TBL1X: variants seen among roughly 807,000 people sequenced by gnomAD.
The protein encoded by TBL1X is transducin beta like 1 X-linked.
TBL1X carries 10 observed loss-of-function variants against 50.7 expected under a neutral mutation model. That is an observed-to-expected ratio of 0.20 (90% CI 0.12 to 0.33). TBL1X has a LOEUF of 0.33. Among genes scored for constraint, TBL1X ranks in the 10% least tolerant of loss-of-function variants. The probability of loss-of-function intolerance (pLI) is 1.00; values close to 1 mark genes in which losing one functional copy is unlikely to be tolerated. For synonymous variants in TBL1X, 190 were observed against 214.7 expected, an observed-to-expected ratio of 0.88 and a Z score of 1.01; for missense variants, 340 against 504.4, an observed-to-expected ratio of 0.67 and a Z score of 3.12.
At chrX:9,649,644 G>A (rs2082823047) in intron 3 of TBL1X, among the ~76,000 whole-genome samples, 1 of 111,998 alleles carries the variant, frequency 8.9e-6, no homozygotes, top group Non-Finnish European at 1.9e-5. Context: ...ATCTCCTCAG[G>A]ATCTTATATT....
At chrX:9,524,563 T>C (rs1396444683) in intron 2 of TBL1X, among the ~76,000 whole-genome samples, 1 of 111,943 alleles carries the variant, frequency 8.9e-6, no homozygotes, top group Non-Finnish European at 1.9e-5. Flanking sequence ...CAGAATGTCT[T>C]TCCTTTTTAA....
chrX:9,556,097 G>C (rs1238152933), intron 2 of TBL1X, among the ~76,000 whole-genome samples: 4 of 109,736 alleles, frequency 3.6e-5, no homozygotes, highest in Non-Finnish European at 7.6e-5. Context: ...GCTGAGGTGG[G>C]AGGATTATTT....
At chrX:9,615,168 C>T (rs763861968) in intron 2 of TBL1X, among the ~76,000 whole-genome samples, 4 of 111,784 alleles carry the variant, frequency 3.6e-5, no homozygotes, top group South Asian at 7.5e-4. Flanking sequence ...TATATGACAT[C>T]GGTTAGCACC....
At chrX:9,686,063 C>T (rs1262894852) in intron 6 of TBL1X, among the ~76,000 whole-genome samples, 2 of 111,406 alleles carry the variant, frequency 1.8e-5, no homozygotes, top group African/African-American at 6.5e-5. Flanking sequence ...TTTCGCAAAG[C>T]TGTGGCTTTC....
At chrX:9,511,724 A>G (rs1299626193) in intron 2 of TBL1X, among the ~76,000 whole-genome samples, 1 of 112,677 alleles carries the variant, frequency 8.9e-6, no homozygotes, top group Non-Finnish European at 1.9e-5. Context: ...TACTTTGGAA[A>G]TGACGTTGGC....
intron 2 of TBL1X, among the ~76,000 whole-genome samples, chrX:9,537,587 T>C (rs1411712535): frequency 2.1e-5 from 2 of 97,316 alleles, no homozygotes; most frequent in African/African-American, 7.9e-5. Context: ...GTATTTGTCC[T>C]TTTGCGTCTG....
intron 2 of TBL1X, among the ~76,000 whole-genome samples, chrX:9,607,800 T>C (rs2082591217): frequency 9.0e-6 from 1 of 110,827 alleles, no homozygotes; most frequent in South Asian, 3.9e-4. Context: ...TCCTTTTATT[T>C]TTTTAAGTTG....
At chrX:9,641,586 T>C (rs997460737) in intron 3 of TBL1X, among the ~76,000 whole-genome samples, 2 of 112,524 alleles carry the variant, frequency 1.8e-5, no homozygotes, top group African/African-American at 6.5e-5. Flanking sequence ...GCTTACTGTT[T>C]GAGGTACTTT....
chrX:9,710,056 C>G (rs964159648), intron 15 of TBL1X, among the ~76,000 whole-genome samples: 2 of 110,762 alleles, frequency 1.8e-5, no homozygotes, highest in African/African-American at 6.6e-5. Context: ...GAAACCCCAT[C>G]TCTACAAAAA....
intron 2 of TBL1X, among the ~76,000 whole-genome samples, chrX:9,622,651 GT>G (rs2082673286): frequency 9.0e-6 from 1 of 110,924 alleles, no homozygotes; most frequent in Non-Finnish European, 1.9e-5. Flanking sequence ...TTGCTTGTTT[GT>G]TTGTTTCTTT....
At position 9,478,222 on chromosome X, in the gene TBL1X, G is replaced by A. The variant is rs774712814; in HGVS notation, c.-201+12775G>A. ...AAATAGTTAAGGAGGTGGGAAAAGAGCTACCTGTAGAAAGGTGGCCTAAGT... is the reference window on the plus strand; with the variant it reads ...AAATAGTTAAGGAGGTGGGAAAAGAACTACCTGTAGAAAGGTGGCCTAAGT... On this transcript the variant is annotated intron_variant, in intron 1 of 17. Coordinates refer to ENST00000645353, the MANE Select transcript of TBL1X (RefSeq NM_005647.4). 9.9e-5 allele frequency among the ~76,000 whole-genome samples: 11 copies of A among 111,046 alleles called. No homozygotes were observed. In the South Asian group the frequency reaches 4.2e-3, roughly 43 times the overall value.
intron 2 of TBL1X, among the ~76,000 whole-genome samples, chrX:9,577,902 G>A (rs911086591): frequency 4.4e-5 from 5 of 112,507 alleles, no homozygotes; most frequent in African/African-American, 6.5e-5. Context: ...GATGTTTGTC[G>A]TGAGTCAAGA....
intron 2 of TBL1X, among the ~76,000 whole-genome samples, chrX:9,561,212 G>A (rs1243493109): frequency 1.8e-5 from 2 of 111,814 alleles, no homozygotes; most frequent in Non-Finnish European, 3.8e-5. Flanking sequence ...CTGGGGCTTA[G>A]AAGTCATTAT....
intron 3 of TBL1X, 25 bp from the exon 4 acceptor site, chrX:9,653,520 C>A: frequency 2.0e-6 from 2 of 979,012 alleles, no homozygotes; most frequent in Non-Finnish European, 2.8e-6. Flanking sequence ...TGCTCCCTGC[C>A]TTCTGTGTTC....
intron 2 of TBL1X, among the ~76,000 whole-genome samples, chrX:9,569,256 T>C (rs2082371413): frequency 9.4e-6 from 1 of 106,530 alleles, no homozygotes; most frequent in African/African-American, 3.5e-5. Flanking sequence ...GTGTGTGTGG[T>C]GTGCTGTGTG....
At chrX:9,620,383 G>A (rs781547174) in intron 2 of TBL1X, among the ~76,000 whole-genome samples, 10 of 112,626 alleles carry the variant, frequency 8.9e-5, no homozygotes, top group Non-Finnish European at 1.7e-4. Flanking sequence ...GCTAAGTGCT[G>A]TGGCTGCAGA....
At position 9,691,650 on chromosome X, in the gene TBL1X, G is replaced by A; in HGVS notation, c.688G>A (p.Gly230Ser). The A allele has an allele frequency of 1.7e-6, 2 of 1,211,247 alleles. No homozygotes were observed. The highest frequency in any genetic ancestry group is 2.2e-6 in the Non-Finnish European group (2 of 895,390). The change falls in exon 8 of 18, where the codon GGC becomes AGC. Residue 230 changes from glycine to serine, a missense_variant. Coordinates refer to ENST00000645353, the MANE Select transcript of TBL1X (RefSeq NM_005647.4). The stretch of plus-strand genomic sequence containing the variant: ...ATCCAGCAAAGCCACAGTCCTTCGG[G>A]GCCATGAGTCTGAGGTGTTCATTTG... ...IPSSKATVLR[G>S]HESEVFICAW...
chrX:9,581,234 T>C lies in TBL1X; in HGVS notation c.-130-59039T>C, dbSNP rs768278386. ...TGCTGTCACTGTTCATAAACAATTGTATTTTGCCTTCCTGAAAGGCCATCT... is the reference window on the plus strand; with the variant it reads ...TGCTGTCACTGTTCATAAACAATTGCATTTTGCCTTCCTGAAAGGCCATCT... On this transcript the variant is annotated intron_variant, in intron 2 of 17. Coordinates refer to ENST00000645353, the MANE Select transcript of TBL1X (RefSeq NM_005647.4). Among the ~76,000 whole-genome samples the C allele has an allele frequency of 3.6e-5, 4 of 112,349 alleles. No individual in the cohort carries two copies. The South Asian group carries it at 1.5e-3, about 42-fold the overall frequency.
intron 2 of TBL1X, among the ~76,000 whole-genome samples, chrX:9,542,769 G>A (rs11095516): frequency 0.03 from 3,301 of 111,857 alleles, 149 homozygotes; most frequent in African/African-American, 0.1. Flanking sequence ...TATTCTCCAC[G>A]ACTGTATATT....
Sources: gnomAD v4.1 joint callset for allele counts (sites outside exome capture counted in the v4.1 genomes callset) on GRCh38, gnomAD v4.1.1 for gene constraint, MANE v1.5 for transcripts, NCBI Gene and HGNC (gene_info 2026-07-23, HGNC 2026-07-21) for gene names.